Variants in GRIN3A observed in about 807,000 individuals in gnomAD.
The protein encoded by GRIN3A is glutamate ionotropic receptor NMDA type subunit 3A.
Under a neutral mutation model 92.4 loss-of-function variants are expected in GRIN3A, and 47 were observed. The ratio of observed to expected loss-of-function variants is 0.51; its 90% CI spans 0.40 to 0.65. GRIN3A has a LOEUF of 0.65. GRIN3A is among the 30% of genes least tolerant of loss of function. GRIN3A has a pLI of 0.00. For missense variants in GRIN3A, 1,324 were observed against 1,393.1 expected (o/e 0.95, Z 0.79); for synonymous variants, 527 against 540.6 (o/e 0.97, Z 0.35).
chr9:101,597,726 GA>G (rs1180390285), intron 6 of GRIN3A, among the ~76,000 whole-genome samples: 1 of 152,156 alleles, frequency 6.6e-6, no homozygotes, highest in Non-Finnish European at 1.5e-5. Flanking sequence ...TAATTGAAGA[GA>G]AAGTATCATC....
intron 3 of GRIN3A, among the ~76,000 whole-genome samples, chr9:101,647,379 G>A (rs1049701428): frequency 4.6e-5 from 7 of 151,860 alleles, no homozygotes; most frequent in Non-Finnish European, 1.0e-4. Context: ...TTCAGGGGCT[G>A]TTGAATTTGG....
intron 1 of GRIN3A, among the ~76,000 whole-genome samples, chr9:101,730,982 A>C (rs1024420093): frequency 6.6e-6 from 1 of 152,146 alleles, no homozygotes; most frequent in African/African-American, 2.4e-5. Context: ...CATATTTTAC[A>C]GGAACAAGGT....
chr9:101,604,461 T>C (rs576501210), intron 6 of GRIN3A, among the ~76,000 whole-genome samples: 43 of 152,324 alleles, frequency 2.8e-4, no homozygotes, highest in Admixed American at 1.3e-3. Context: ...CATCTGATCT[T>C]ATGCTTGGCT....
chr9:101,665,371 G>A (rs1297069418), intron 3 of GRIN3A, among the ~76,000 whole-genome samples: 2 of 151,868 alleles, frequency 1.3e-5, no homozygotes, highest in East Asian at 1.9e-4. Flanking sequence ...GAGAAAGGAG[G>A]CAGGTGTTCA....
chr9:101,616,680 G>C (rs1205661190), intron 5 of GRIN3A, among the ~76,000 whole-genome samples: 1 of 141,466 alleles, frequency 7.1e-6, no homozygotes, highest in African/African-American at 2.7e-5. Flanking sequence ...TTATAGGTGG[G>C]AGTTGAACAA....
At chr9:101,714,801 A>T (rs1399690673) in intron 1 of GRIN3A, among the ~76,000 whole-genome samples, 4 of 152,226 alleles carry the variant, frequency 2.6e-5, no homozygotes, top group Non-Finnish European at 4.4e-5. Flanking sequence ...CTATTCATAG[A>T]CATGTCTGAC....
intron 1 of GRIN3A, among the ~76,000 whole-genome samples, chr9:101,689,168 A>G (rs777601731): frequency 9.9e-5 from 15 of 152,150 alleles, no homozygotes; most frequent in Non-Finnish European, 1.6e-4. Flanking sequence ...GCAAAAAGCA[A>G]TGGAAGGCAA....
chr9:101,648,997 C>G lies in GRIN3A; in HGVS notation c.2353-20596G>C, dbSNP rs536810032. 9.2e-5 allele frequency among the ~76,000 whole-genome samples: 14 copies of G among 152,102 alleles called. No individual in the cohort carries two copies. In the South Asian group the frequency reaches 2.5e-3, roughly 27 times the overall value. On this transcript the variant is annotated intron_variant, in intron 3 of 8. Coordinates refer to ENST00000361820, the MANE Select transcript of GRIN3A (RefSeq NM_133445.3). ...CACTGCCCTGTCATTGTTTCCCCAT[C>G]AGAGGAAGACATAATGGAAACCAGA... is the stretch of plus-strand genomic sequence containing the variant.
rs1829549359 is a variant in GRIN3A at position 101,687,125 on chromosome 9, T to C, written c.775A>G (p.Met259Val). The change falls in exon 2 of 9, where the codon ATG becomes GTG. Residue 259 changes from methionine (M) to valine (V), a missense_variant. By Grantham distance (21) the Met-to-Val change is conservative. Transcript: ENST00000361820. ...AAGCTAAAATTGTACCAGTTGTTCA[T>C]GGTCAGGATTGAGACAGTGACATCA... is the stretch of plus-strand genomic sequence containing the variant. The part of the protein sequence containing the change: ...DADVTVSILT[M>V]NNWYNFSLLL... The C allele has an allele frequency of 1.2e-6, 2 of 1,614,020 alleles. No homozygotes were observed. Among genetic ancestry groups the C allele is most frequent in the Non-Finnish European group, 1.7e-6 (2 of 1,179,974 alleles).
At chr9:101,614,636 TGGAGACAGGG>T (rs1828416432) in intron 5 of GRIN3A, among the ~76,000 whole-genome samples, 1 of 139,088 alleles carries the variant, frequency 7.2e-6, no homozygotes, top group Non-Finnish European at 1.5e-5. Context: ...TTTTTTTTTT[TGGAGACAGGG>T]TCTTGCTCTG....
At chr9:101,644,451 T>G (rs543962987) in intron 3 of GRIN3A, among the ~76,000 whole-genome samples, 1 of 134,658 alleles carries the variant, frequency 7.4e-6, no homozygotes, top group African/African-American at 2.9e-5. Flanking sequence ...TGAAATTACA[T>G]TAGTCACTCA....
chr9:101,573,336 A>C lies in GRIN3A; in HGVS notation c.3186T>G (p.Asn1062Lys). 1.9e-6 allele frequency: 3 copies of C among 1,613,860 alleles called. No individual in the cohort carries two copies. Among genetic ancestry groups the C allele is most frequent in the South Asian group, 2.2e-5 (2 of 91,072 alleles). ...RRELPALRTT[N>K]GKADSLNVSR... ...ATACATTTAGGGAGTCTGCTTTCCC[A>C]TTGGTGGTCCGCAAGGCAGGGAGCT... Residue 1062 changes from asparagine (N) to lysine (K), a missense_variant, in exon 9 of 9, where the codon AAT becomes AAG. Coordinates refer to ENST00000361820, the MANE Select transcript of GRIN3A (RefSeq NM_133445.3).
intron 4 of GRIN3A, among the ~76,000 whole-genome samples, chr9:101,625,131 G>C (rs991576283): frequency 2.6e-5 from 4 of 152,074 alleles, no homozygotes; most frequent in Admixed American, 2.0e-4. Context: ...TCTATCTCAT[G>C]CGATGACTAC....
intron 3 of GRIN3A, among the ~76,000 whole-genome samples, chr9:101,652,650 T>G (rs998933467): frequency 2.0e-5 from 3 of 151,974 alleles, no homozygotes; most frequent in Non-Finnish European, 4.4e-5. Context: ...GTTTTCATGC[T>G]TTCTCCAACT....
At chr9:101,734,115 T>A (rs1830173061) in intron 1 of GRIN3A, among the ~76,000 whole-genome samples, 1 of 152,150 alleles carries the variant, frequency 6.6e-6, no homozygotes, top group Non-Finnish European at 1.5e-5. Context: ...TTTTAAAAAA[T>A]GTGTACTTGT....
intron 6 of GRIN3A, among the ~76,000 whole-genome samples, chr9:101,597,605 A>G (rs1042336205): frequency 1.3e-5 from 2 of 151,704 alleles, no homozygotes; most frequent in Non-Finnish European, 1.5e-5. Context: ...TAGAATTGGT[A>G]TCTCACTTGC....
rs964197732 is a variant in GRIN3A at position 101,737,622 on chromosome 9, C to T, written c.358G>A (p.Glu120Lys). Reference sequence around the variant, plus strand: ...AGGGCGTCCCGTGGCCACAGGGCCTCCGCCCTGGCGCCCTCCCCGGGCTTA... The same window carrying T: ...AGGGCGTCCCGTGGCCACAGGGCCTTCGCCCTGGCGCCCTCCCCGGGCTTA... ...SRKPGEGARA[E>K]ALWPRDALLF... Residue 120 changes from glutamate (E) to lysine (K), a missense_variant, in exon 1 of 9, where the codon GAG becomes AAG. Glu to Lys is a moderately conservative substitution (Grantham distance 56). Transcript: ENST00000361820. 3.1e-6 allele frequency: 5 copies of T among 1,612,668 alleles called. No homozygotes were observed. Among genetic ancestry groups the T allele is most frequent in the East Asian group, 2.2e-5 (1 of 44,856 alleles).
chr9:101,617,529 A>C (rs1446157688), intron 5 of GRIN3A, among the ~76,000 whole-genome samples: 2 of 152,198 alleles, frequency 1.3e-5, no homozygotes. Flanking sequence ...GTCTAGGTTA[A>C]TTTGCAGTTG....
rs561562117 is a variant in GRIN3A at position 101,636,135 on chromosome 9, G to A, written c.2353-7734C>T. 4.4e-4 allele frequency among the ~76,000 whole-genome samples: 67 copies of A among 152,150 alleles called. 1 individual carries two copies. The highest frequency in any genetic ancestry group is 1.6e-3 in the African/African-American group (65 of 41,542). ...TGACCTCAAATGATCTGCCTGCTTC[G>A]GCCTCCCAAAGTATTGGGATTACAG... On this transcript the variant is annotated intron_variant, in intron 3 of 8. Coordinates refer to ENST00000361820, the MANE Select transcript of GRIN3A (RefSeq NM_133445.3).
Sources: allele counts gnomAD v4.1 joint callset (sites outside exome capture counted in the v4.1 genomes callset), GRCh38; gene constraint gnomAD v4.1.1; transcripts MANE v1.5; gene names NCBI Gene and HGNC (gene_info 2026-07-23, HGNC 2026-07-21).